AIFM1: variants seen among roughly 807,000 people sequenced by gnomAD.
The protein encoded by AIFM1 is apoptosis inducing factor mitochondria associated 1.
Under a neutral mutation model 51.7 loss-of-function variants are expected in AIFM1, and 3 were observed. The observed-to-expected ratio is 0.06, with a 90% CI of 0.03 to 0.15. The LOEUF is 0.15. AIFM1 is among the 10% of genes least tolerant of loss of function. The pLI, the probability that AIFM1 is intolerant of heterozygous loss-of-function variation, is 1.00. For synonymous variants in AIFM1, 178 were observed against 179.4 expected, an observed-to-expected ratio of 0.99 and a Z score of 0.06; for missense variants, 330 against 476.8, an observed-to-expected ratio of 0.69 and a Z score of 2.87.
chrX:130,133,820 TG>T (rs2030209231), intron 12 of AIFM1, among the ~76,000 whole-genome samples: 1 of 106,349 alleles, frequency 9.4e-6, no homozygotes, highest in African/African-American at 3.4e-5. Flanking sequence ...TTGGTAGAGA[TG>T]GGGTGTTGCC....
intron 8 of AIFM1, 54 bp from the exon 9 acceptor site, chrX:130,138,755 T>C (rs1283486078): frequency 7.1e-6 from 6 of 839,812 alleles, no homozygotes; most frequent in Non-Finnish European, 1.1e-5. Context: ...CATAGGATAA[T>C]AATACTAGAA....
chrX:130,143,810 G>A (rs1218122966), intron 6 of AIFM1, among the ~76,000 whole-genome samples: 1 of 109,863 alleles, frequency 9.1e-6, no homozygotes, highest in African/African-American at 3.3e-5. Context: ...TCATGCCACC[G>A]TACTCCAGCC....
intron 1 of AIFM1, among the ~76,000 whole-genome samples, chrX:130,163,788 T>C (rs1168925497): frequency 9.0e-6 from 1 of 111,713 alleles, no homozygotes; most frequent in Non-Finnish European, 1.9e-5. Context: ...GGTCAGACTT[T>C]AGAATGCTGG....
chrX:130,162,672 T>G (rs945619837), intron 1 of AIFM1, among the ~76,000 whole-genome samples: 2 of 112,043 alleles, frequency 1.8e-5, no homozygotes, highest in Middle Eastern at 4.6e-3. Flanking sequence ...CCAGGATCCT[T>G]GCCCACAAGG....
intron 12 of AIFM1, 21 bp from the exon 13 acceptor site, chrX:130,133,476 C>T: frequency 8.4e-7 from 1 of 1,196,709 alleles, no homozygotes; most frequent in Non-Finnish European, 1.1e-6. Context: ...AAATACATAA[C>T]ATGAACACAT....
At chrX:130,150,358 C>T (rs1452379451) in intron 2 of AIFM1, among the ~76,000 whole-genome samples, 10 of 60,620 alleles carry the variant, frequency 1.6e-4, no homozygotes, top group South Asian at 1.5e-3. Flanking sequence ...TTTTTTGAGA[C>T]GGAGTCTCGC....
chrX:130,147,803 T>C lies in AIFM1; in HGVS notation c.423A>G (p.Thr141=). 8.2e-7 allele frequency: 1 copy of C among 1,212,265 alleles called. No individual in the cohort carries two copies. Among genetic ancestry groups the C allele is most frequent in the Non-Finnish European group, 1.1e-6 (1 of 895,637 alleles). The part of the protein sequence containing the change: ...HVPFLLIGGG[T]AAFAAARSIR... ...TGGATCTGGCTGCAGCAAAAGCAGC[T>C]GTGCCTCCACCAATTAGCAGGAAAG... is the stretch of plus-strand genomic sequence containing the variant. The change falls in exon 4 of 16, where the codon ACA becomes ACG. Residue 141 remains threonine, a synonymous_variant. Transcript: ENST00000287295.
Position 130,165,778 on chromosome X carries a change from T to C in AIFM1, c.-122A>G. 1.7e-6 allele frequency: 1 copy of C among 604,144 alleles called. No individual in the cohort carries two copies. The highest frequency in any genetic ancestry group is 2.8e-6 in the Non-Finnish European group (1 of 360,711). The allele number at this position is 604,144 out of a possible 1,213,427, so 49.8% of individuals were successfully genotyped here. On this transcript the variant is annotated 5_prime_UTR_variant, in exon 1 of 16. Transcript: ENST00000287295. ...TTCACACGCACATTACGCAGACTCC[T>C]CCTCCCAGCTCCGGGTGGGCATTGG...
rs1429345140 is a variant in AIFM1, at chrX:130,129,900, C to T, written c.1770+70G>A. 9 of 1,163,527 alleles carry T rather than the reference C, an allele frequency of 7.7e-6. No homozygotes were observed. The Admixed American group carries it at 1.7e-4, about 23-fold the overall frequency. ...GGGGGACAATGCATCTCAGGGCACC[C>T]GATGAAGTTACAGGAATGTTTCTAA... On this transcript the variant is annotated intron_variant, in intron 15 of 15. Coordinates refer to ENST00000287295, the MANE Select transcript of AIFM1 (RefSeq NM_004208.4).
rs2031165939 is a variant in AIFM1 at position 130,156,465 on chromosome X, G to T, written c.245C>A (p.Ala82Asp). 8.3e-7 allele frequency: 1 copy of T among 1,209,495 alleles called. No individual in the cohort carries two copies. Among genetic ancestry groups the T allele is most frequent in the Non-Finnish European group, 1.1e-6 (1 of 895,147 alleles). Reference protein sequence around the residue: ...IVGLSTVGAGAYAYKTMKEDE... With the variant: ...IVGLSTVGAGDYAYKTMKEDE... ...ACACGCTGCTTTTCTACTTACATAGGCACCAGCTCCTACTGTTGATAAGCC... is the reference window on the plus strand; with the variant it reads ...ACACGCTGCTTTTCTACTTACATAGTCACCAGCTCCTACTGTTGATAAGCC... Residue 82 changes from alanine (A) to aspartate (D), a missense_variant, in exon 2 of 16, where the codon GCC becomes GAC. Physicochemically the swap from Ala to Asp is moderately radical, Grantham distance 126 (BLOSUM62 -2). This residue lies in a region of AIFM1 where 110 missense variants were observed against 103.1 expected (regional missense o/e 1.07). Transcript: ENST00000287295.
At chrX:130,156,989 A>G (rs1253983202) in intron 1 of AIFM1, among the ~76,000 whole-genome samples, 2 of 112,086 alleles carry the variant, frequency 1.8e-5, no homozygotes, top group Non-Finnish European at 3.8e-5. Flanking sequence ...CATTATAACA[A>G]CCATTTAAGG....
Position 130,155,274 on chromosome X carries a change from T to C in AIFM1, c.249+1187A>G. The C allele has an allele frequency of 2.5e-6, 3 of 1,210,420 alleles. No homozygotes were observed. The East Asian group carries it at 8.9e-5, about 36-fold the overall frequency. ...TGATCTAGAAGGGGATCCTAGGTGA[T>C]GAGACTGCACAACTGTAGGTAAAGA... On this transcript the variant is annotated intron_variant, in intron 2 of 15. Transcript: ENST00000287295.
At chrX:130,164,566 C>T (rs1025805035) in intron 1 of AIFM1, among the ~76,000 whole-genome samples, 11 of 112,173 alleles carry the variant, frequency 9.8e-5, no homozygotes, top group Non-Finnish European at 1.9e-4. Context: ...AAAGCAACTC[C>T]TACAGGTGGA....
intron 14 of AIFM1, among the ~76,000 whole-genome samples, chrX:130,130,392 A>G (rs1041290407): frequency 8.9e-6 from 1 of 111,797 alleles, no homozygotes; most frequent in Admixed American, 9.5e-5. Context: ...GCACAGGGTC[A>G]GTCTGACCCT....
chrX:130,131,856 A>G, intron 13 of AIFM1, 57 bp from the exon 14 acceptor site: 1 of 1,191,257 alleles, frequency 8.4e-7, no homozygotes, highest in Non-Finnish European at 1.1e-6. Context: ...ACACGGTAGC[A>G]CATATTCTCC....
At chrX:130,142,410 T>C (rs1483413723) in intron 6 of AIFM1, among the ~76,000 whole-genome samples, 1 of 111,391 alleles carries the variant, frequency 9.0e-6, no homozygotes, top group Non-Finnish European at 1.9e-5. Context: ...TTATGTTCTA[T>C]TGTATTGCAA....
chrX:130,149,632 T>C, intron 2 of AIFM1, 64 bp from the exon 3 acceptor site: 2 of 806,442 alleles, frequency 2.5e-6, no homozygotes, highest in Non-Finnish European at 3.8e-6. Flanking sequence ...GTAAGTAATA[T>C]TATCTTTCAA....
intron 2 of AIFM1, among the ~76,000 whole-genome samples, chrX:130,156,108 C>G (rs942394006): frequency 3.0e-4 from 33 of 111,603 alleles, no homozygotes; most frequent in Non-Finnish European, 6.0e-4. Flanking sequence ...AAATATTGTG[C>G]TAAGGAGCTG....
At chrX:130,164,665 T>C (rs1281702994) in intron 1 of AIFM1, among the ~76,000 whole-genome samples, 1 of 111,910 alleles carries the variant, frequency 8.9e-6, no homozygotes, top group Non-Finnish European at 1.9e-5. Context: ...TGATGTACAA[T>C]GGGCTAATTA....
Sources: allele counts gnomAD v4.1 joint callset (sites outside exome capture counted in the v4.1 genomes callset), GRCh38; gene constraint gnomAD v4.1.1; regional missense constraint gnomAD v4.1.1; transcripts MANE v1.5; gene names NCBI Gene and HGNC (gene_info 2026-07-23, HGNC 2026-07-21).